LRRC56: variants seen among roughly 807,000 people sequenced by gnomAD.
The protein encoded by LRRC56 is leucine-rich repeat-containing protein 56.
Under a neutral mutation model 47.8 loss-of-function variants are expected in LRRC56, and 41 were observed. That is an observed-to-expected ratio of 0.86 (90% confidence interval 0.67 to 1.11). The LOEUF (loss-of-function observed/expected upper bound fraction) is 1.11, where lower values mean the gene tolerates loss of function less well. Among genes scored for constraint, LRRC56 ranks in the 50% most tolerant of loss-of-function variants. The pLI, the probability that LRRC56 is intolerant of heterozygous loss-of-function variation, is 0.00. For missense variants in LRRC56, 759 were observed against 704.2 expected (o/e 1.08, Z -0.88); for synonymous variants, 387 against 311.2 (o/e 1.24, Z -2.56).
upstream of LRRC56, chr11:533,282 G>T: frequency 1.3e-6 from 2 of 1,591,678 alleles, no homozygotes; most frequent in East Asian, 4.5e-5. Flanking sequence ...CTTACAGCGC[G>T]AGGGGCCGCT....
At chr11:521,171 T>C in the LRRC56 span, among the ~76,000 whole-genome samples, 1 of 152,080 alleles carries the variant, frequency 6.6e-6, no homozygotes, top group Non-Finnish European at 1.5e-5. Flanking sequence ...CCCTCCCCGC[T>C]CCAGACCTTC....
At position 541,566 on chromosome 11, in the gene LRRC56, G is replaced by C. The variant is rs1289647027; in HGVS notation, c.207G>C (p.Arg69=). The part of the protein sequence containing the change: ...LQALARVDDL[R]LVRTLEMCVD... ...CCCTGGCCCGGGTGGATGACCTTCGGCTGGTGAGGACGCTGGAGATGTGTG... is the reference window on the plus strand; with the variant it reads ...CCCTGGCCCGGGTGGATGACCTTCGCCTGGTGAGGACGCTGGAGATGTGTG... The change falls in exon 5 of 14, where the codon CGG becomes CGC. Residue 69 remains arginine (R), a synonymous_variant. Transcript: ENST00000270115. The surrounding 1 kb of genome is among the most constrained non-coding windows in gnomAD (Gnocchi z 4.1). 1 of 1,587,166 alleles carries C rather than the reference G, an allele frequency of 6.3e-7. No homozygotes were observed.
chr11:520,511 G>A, the LRRC56 span, among the ~76,000 whole-genome samples: 1 of 152,062 alleles, frequency 6.6e-6, no homozygotes, highest in Non-Finnish European at 1.5e-5. Flanking sequence ...TAGGGACGGG[G>A]TTTCATCATG....
rs1051729829 is a variant in LRRC56 at position 541,810 on chromosome 11, C to T, written c.265+186C>T. On this transcript the variant is annotated intron_variant, in intron 5 of 13. Coordinates refer to ENST00000270115, the MANE Select transcript of LRRC56 (RefSeq NM_198075.4). This position sits in a 1 kb window ranked among gnomAD's most constrained non-coding sequence, Gnocchi z 4.1. ...GCAGAGGGCAATGCACTCAGCACCC[C>T]GCACACCACACCAGTACCCCCAGCA... is the stretch of plus-strand genomic sequence containing the variant. Among the ~76,000 whole-genome samples the T allele has an allele frequency of 1.3e-4, 19 of 151,836 alleles. No individual in the cohort carries two copies. The highest frequency in any genetic ancestry group is 2.4e-4 in the African/African-American group (10 of 41,280).
the LRRC56 span, among the ~76,000 whole-genome samples, chr11:530,574 T>C: frequency 1.5e-5 from 1 of 67,810 alleles, no homozygotes; most frequent in Non-Finnish European, 2.9e-5. Context: ...TGGCGTCCCC[T>C]GGAGAGAAGG....
Position 554,142 on chromosome 11 carries a change from C to G in LRRC56, c.1495C>G (p.Leu499Val). The part of the protein sequence containing the change: ...LGDGVAAVPV[L>V]RALEVASRLS... Reference sequence around the variant, plus strand: ...TGATGGGGTGGCTGCAGTGCCTGTCCTGAGAGCCCTGGAGGTGGCCTCACG... The same window carrying G: ...TGATGGGGTGGCTGCAGTGCCTGTCGTGAGAGCCCTGGAGGTGGCCTCACG... The change falls in exon 14 of 14, where the codon CTG (leucine) becomes GTG (valine). Residue 499 changes from leucine to valine, a missense_variant. By Grantham distance (32) the Leu-to-Val change is conservative (BLOSUM62 1). Transcript: ENST00000270115. 1 of 1,601,426 alleles carries G rather than the reference C, an allele frequency of 6.2e-7. No individual in the cohort carries two copies. The highest frequency in any genetic ancestry group is 8.5e-7 in the Non-Finnish European group (1 of 1,176,178).
At chr11:535,542 C>G (rs1459806729), upstream of LRRC56, 1 of 148,362 alleles carries the variant, frequency 6.7e-6, no homozygotes, top group Non-Finnish European at 1.5e-5. Flanking sequence ...GGGTTGCGGG[C>G]GCAGGGCACG....
chr11:535,027 C>T (rs1385300714), upstream of LRRC56, among the ~76,000 whole-genome samples: 1 of 152,136 alleles, frequency 6.6e-6, no homozygotes. Flanking sequence ...GGGCTGAGGC[C>T]CCCGGCCTGG....
rs761275896 is a variant in LRRC56, at chr11:541,540, G to A, written c.181G>A (p.Ala61Thr). ...EEYLSPARLQ[A>T]LARVDDLRLV... is the part of the protein sequence containing the mutation. ...GACCCCCGGTTGGTTTCTACAGCAG[G>A]CCCTGGCCCGGGTGGATGACCTTCG... The change falls in exon 5 of 14, where the codon GCC (alanine) becomes ACC (threonine). Residue 61 changes from alanine (A) to threonine (T), a missense_variant. Transcript: ENST00000270115. This position sits in a 1 kb window ranked among gnomAD's most constrained non-coding sequence, Gnocchi z 4.1. The A allele has an allele frequency of 2.5e-6, 4 of 1,569,618 alleles. No individual in the cohort carries two copies. Among genetic ancestry groups the A allele is most frequent in the East Asian group, 2.4e-5 (1 of 41,324 alleles).
rs768045549 is a variant in LRRC56, at chr11:550,162, G to A, written c.514G>A (p.Val172Met). ...GGTGCTGGACCTGGAGGGCAACAGC[G>A]TGGAGGACCTGGGGCAGGTGCGCTA... ...LEVLDLEGNS[V>M]EDLGQVRYLQ... Residue 172 changes from valine to methionine, a missense_variant, in exon 8 of 14, where the codon GTG becomes ATG. By Grantham distance (21) the Val-to-Met change is conservative. Coordinates refer to ENST00000270115, the MANE Select transcript of LRRC56 (RefSeq NM_198075.4). 44 of 1,613,274 alleles carry A rather than the reference G, an allele frequency of 2.7e-5. No homozygotes were observed. Among genetic ancestry groups the A allele is most frequent in the Non-Finnish European group, 3.3e-5 (39 of 1,179,870 alleles).
At chr11:510,013 G>A in the LRRC56 span, among the ~76,000 whole-genome samples, 8 of 151,846 alleles carry the variant, frequency 5.3e-5, no homozygotes, top group African/African-American at 1.7e-4. Context: ...TGGCCGACTC[G>A]AGTGTGCCTT....
At chr11:532,282 C>T in the LRRC56 span, 24 of 463,460 alleles carry the variant, frequency 5.2e-5, no homozygotes, top group East Asian at 7.8e-4. Flanking sequence ...CATCTGTGCC[C>T]GACAAGGGCC....
chr11:532,204 C>T, the LRRC56 span: 1 of 354,374 alleles, frequency 2.8e-6, no homozygotes. Flanking sequence ...TGCCAGGCCA[C>T]ACGCGCACCG....
At chr11:515,015 T>C in the LRRC56 span, among the ~76,000 whole-genome samples, 2 of 152,210 alleles carry the variant, frequency 1.3e-5, no homozygotes, top group Non-Finnish European at 2.9e-5. Flanking sequence ...AATTGGGCCG[T>C]TTGACAGAAA....
the LRRC56 span, among the ~76,000 whole-genome samples, chr11:530,340 G>A: frequency 1.0e-3 from 154 of 152,356 alleles, no homozygotes; most frequent in African/African-American, 3.4e-3. Context: ...GTGGCACCCG[G>A]CAGCCCTAGA....
chr11:521,729 A>G, the LRRC56 span, among the ~76,000 whole-genome samples: 1 of 152,170 alleles, frequency 6.6e-6, no homozygotes. Flanking sequence ...CCTGGCTAAC[A>G]CGATGAAACC....
chr11:526,555 G>A, the LRRC56 span, among the ~76,000 whole-genome samples: 2 of 152,220 alleles, frequency 1.3e-5, no homozygotes, highest in Admixed American at 6.5e-5. Flanking sequence ...TGCCTATGGA[G>A]GAGGCTCCAG....
At position 552,655 on chromosome 11, in the gene LRRC56, A is replaced by G. The variant is rs1360441904; in HGVS notation, c.1268A>G (p.His423Arg). 1 of 1,611,658 alleles carries G rather than the reference A, an allele frequency of 6.2e-7. No homozygotes were observed. Among genetic ancestry groups the G allele is most frequent in the Admixed American group, 1.7e-5 (1 of 59,926 alleles). The change falls in exon 13 of 14, where the codon CAC becomes CGC. Residue 423 changes from histidine to arginine, a missense_variant. His to Arg is a conservative substitution (Grantham distance 29). Coordinates refer to ENST00000270115, the MANE Select transcript of LRRC56 (RefSeq NM_198075.4). ...GPRRVPEEQV[H>R]QAEPKTPSSP... ...CGGAGGGTCCCTGAAGAGCAAGTGC[A>G]CCAGGCAGAGCCCAAGACTCCCTCC... is the stretch of plus-strand genomic sequence containing the variant.
chr11:533,204 C>G (rs968782289), upstream of LRRC56: 13 of 1,341,554 alleles, frequency 9.7e-6, no homozygotes, highest in Admixed American at 6.3e-5. Context: ...CTGTGTCGGC[C>G]CAGGACTGCA....
Sources: gnomAD v4.1 joint callset for allele counts (sites outside exome capture counted in the v4.1 genomes callset) on GRCh38, gnomAD v4.1.1 for gene constraint, Gnocchi (gnomAD v3.1) non-coding constraint, MANE v1.5 for transcripts, NCBI Gene and HGNC (gene_info 2026-07-23, HGNC 2026-07-21) for gene names.